SPINDOC: variants seen among roughly 807,000 people sequenced by gnomAD.
The protein encoded by SPINDOC is spindlin interactor and repressor of chromatin-binding protein.
A neutral mutation model predicts 30.7 loss-of-function variants in SPINDOC; 13 were observed. The observed-to-expected ratio is 0.42, with a 90% confidence interval of 0.28 to 0.67. The LOEUF is 0.67. Ranked by LOEUF, SPINDOC falls within the 30% of genes least tolerant of loss-of-function variation. SPINDOC has a pLI of 0.22. For synonymous variants in SPINDOC, 228 were observed against 211.4 expected (o/e 1.08, Z -0.68); for missense variants, 438 against 518.0 (o/e 0.85, Z 1.50).
At chr11:63,825,986 T>G (rs2015646392) in intron 5 of SPINDOC, among the ~76,000 whole-genome samples, 1 of 151,996 alleles carries the variant, frequency 6.6e-6, no homozygotes, top group Non-Finnish European at 1.5e-5. Flanking sequence ...TTGCCCAGGC[T>G]GGAGTGCAGT....
In SPINDOC at chr11:63,826,988, A is replaced by C; in HGVS notation, c.995A>C (p.Glu332Ala). 1 of 1,613,510 alleles carries C rather than the reference A, an allele frequency of 6.2e-7. No homozygotes were observed. Among genetic ancestry groups the C allele is most frequent in the Non-Finnish European group, 8.5e-7 (1 of 1,179,530 alleles). Residue 332 changes from glutamate to alanine, a missense_variant, in exon 6 of 6, where the codon GAG becomes GCG. By Grantham distance (107) the Glu-to-Ala change is moderately radical (BLOSUM62 -1). Around this residue, in one of 3 missense-constraint regions of SPINDOC, gnomAD observed 300 missense variants for 332.8 expected, o/e 0.90. Transcript: ENST00000294244. ...DLQVIRVRME[E>A]PPAVSLLQDW... Reference sequence around the variant, plus strand: ...CAGGTTATCCGCGTGCGGATGGAGGAGCCCCCAGCGGTCAGCCTCCTGCAA... The same window carrying C: ...CAGGTTATCCGCGTGCGGATGGAGGCGCCCCCAGCGGTCAGCCTCCTGCAA...
intron 5 of SPINDOC, 81 bp from the exon 6 acceptor site, chr11:63,826,847 G>A: frequency 2.8e-6 from 2 of 726,726 alleles, no homozygotes. Context: ...TGTGGGTACA[G>A]TTTGCGGAGC....
intron 1 of SPINDOC, among the ~76,000 whole-genome samples, chr11:63,815,389 C>G (rs1220311880): frequency 1.3e-5 from 2 of 152,216 alleles, no homozygotes; most frequent in Non-Finnish European, 2.9e-5. Flanking sequence ...GAGGAAGAGC[C>G]TTCCCATTTT....
chr11:63,813,519 G>A lies in SPINDOC; in HGVS notation c.-168G>A. On this transcript the variant is annotated 5_prime_UTR_variant, in exon 1 of 6. Transcript: ENST00000294244. Reference sequence around the variant, plus strand: ...GGTCTCGGGGAGGCCCGGACGCGCCGGTCGCAGGCCCGGCCGGCGAGCGGC... The same window carrying A: ...GGTCTCGGGGAGGCCCGGACGCGCCAGTCGCAGGCCCGGCCGGCGAGCGGC... 1 of 423,896 alleles carries A rather than the reference G, an allele frequency of 2.4e-6. No individual in the cohort carries two copies. The highest frequency in any genetic ancestry group is 3.1e-6 in the Non-Finnish European group (1 of 319,256). The allele number at this position is 423,896 out of a possible 1,614,324, so 26.3% of individuals were successfully genotyped here.
chr11:63,823,131 C>T, intron 5 of SPINDOC: 1 of 1,288,508 alleles, frequency 7.8e-7, no homozygotes, highest in Non-Finnish European at 1.0e-6. Flanking sequence ...AATTCTGTGT[C>T]CAGGTATATA....
chr11:63,826,810 C>T (rs2856241), intron 5 of SPINDOC, 118 bp from the exon 6 acceptor site: 9,345 of 654,216 alleles, frequency 0.014, 117 homozygotes, highest in Non-Finnish European at 0.016. Flanking sequence ...AGGCACTGGG[C>T]TGTGGACATA....
chr11:63,813,799 A>G lies in SPINDOC; in HGVS notation c.113A>G (p.Glu38Gly). 6.3e-7 allele frequency: 1 copy of G among 1,579,704 alleles called. No individual in the cohort carries two copies. The highest frequency in any genetic ancestry group is 8.6e-7 in the Non-Finnish European group (1 of 1,163,492). ...GTGGTGGCCGTAATTCCGCGGCCCG[A>G]GCCGATGCTCAGAGGTGAGGATGGA... ...AMVVAVIPRP[E>G]PMLRVTQQEK... is the part of the protein sequence containing the mutation. The change falls in exon 1 of 6, where the codon GAG becomes GGG. Residue 38 changes from glutamate to glycine, a missense_variant. Coordinates refer to ENST00000294244, the MANE Select transcript of SPINDOC (RefSeq NM_138471.3).
In SPINDOC at chr11:63,813,716, C is replaced by T; in HGVS notation, c.30C>T (p.Leu10=). 3 of 1,590,452 alleles carry T rather than the reference C, an allele frequency of 1.9e-6. No individual in the cohort carries two copies. The highest frequency in any genetic ancestry group is 1.7e-6 in the Non-Finnish European group (2 of 1,170,808). The change falls in exon 1 of 6, where the codon CTC becomes CTT. Residue 10 remains leucine (L), a synonymous_variant. Coordinates refer to ENST00000294244, the MANE Select transcript of SPINDOC (RefSeq NM_138471.3). ...CCCTAAAGGCCGAGGGCGCCGCACT[C>T]GACTGCTTCGAGGTGACGCTGAAAT... is the stretch of plus-strand genomic sequence containing the variant. The part of the protein sequence containing the change: MALKAEGAA[L]DCFEVTLKCE...
intron 1 of SPINDOC, among the ~76,000 whole-genome samples, 193 bp from the exon 2 acceptor site, chr11:63,817,612 G>A (rs1250597253): frequency 6.6e-6 from 1 of 152,156 alleles, no homozygotes; most frequent in Admixed American, 6.6e-5. Context: ...CGCGAGAGTC[G>A]TGGGATCCCG....
intron 1 of SPINDOC, among the ~76,000 whole-genome samples, chr11:63,817,229 C>G (rs940110344): frequency 4.6e-5 from 7 of 151,860 alleles, no homozygotes; most frequent in Non-Finnish European, 8.8e-5. Flanking sequence ...ACCTGTAGTC[C>G]CAGGTGCTTG....
intron 5 of SPINDOC, chr11:63,823,268 T>C: frequency 7.8e-7 from 1 of 1,276,732 alleles, no homozygotes; most frequent in Non-Finnish European, 1.0e-6. Context: ...CTCAGAAACC[T>C]GTGAGGCTTC....
chr11:63,813,857 C>A, intron 1 of SPINDOC, 44 bp downstream of exon 1: 2 of 1,474,016 alleles, frequency 1.4e-6, no homozygotes, highest in Non-Finnish European at 9.1e-7. Flanking sequence ...GGTGCGGGGC[C>A]GGGGCTGGGG....
intron 5 of SPINDOC, among the ~76,000 whole-genome samples, chr11:63,821,794 G>A (rs1029685203): frequency 6.6e-6 from 1 of 152,122 alleles, no homozygotes; most frequent in Non-Finnish European, 1.5e-5. Flanking sequence ...CCCTGCCCAG[G>A]CTGGAGTACC....
intron 5 of SPINDOC, among the ~76,000 whole-genome samples, chr11:63,825,848 G>C (rs1291863238): frequency 6.6e-6 from 1 of 152,070 alleles, no homozygotes; most frequent in African/African-American, 2.4e-5. Context: ...CTAAAAACAG[G>C]GTAGAAAAGG....
intron 1 of SPINDOC, among the ~76,000 whole-genome samples, 167 bp downstream of exon 1, chr11:63,813,980 C>A (rs1565073050): frequency 6.6e-6 from 1 of 152,210 alleles, no homozygotes; most frequent in Non-Finnish European, 1.5e-5. Flanking sequence ...GCACCTCCCC[C>A]ACCATGGTTT....
intron 5 of SPINDOC, chr11:63,823,375 G>A (rs1304137214): frequency 8.5e-7 from 1 of 1,177,078 alleles, no homozygotes; most frequent in Non-Finnish European, 1.1e-6. Context: ...AAAAAAATTA[G>A]AGGTGTAAAA....
rs755744959 is a variant in SPINDOC, at chr11:63,818,041, C to A, written c.364C>A (p.Pro122Thr). Residue 122 changes from proline (P) to threonine (T), a missense_variant, in exon 2 of 6, where the codon CCT becomes ACT. Pro to Thr is a conservative substitution (Grantham distance 38, BLOSUM62 -1). Around this residue, in one of 3 missense-constraint regions of SPINDOC, gnomAD observed 9 missense variants for 32.5 expected, o/e 0.28. Transcript: ENST00000294244. The surrounding 1 kb of genome is among the most constrained non-coding windows in gnomAD (Gnocchi z 5.3). ...EQHPHTLDLS[P>T]SEKSNILEAW... ...GCACCCTCACACCTTGGACCTGAGC[C>A]CTTCTGAGAAGAGCAATATCCTGGA... 3.0e-5 allele frequency: 49 copies of A among 1,614,086 alleles called. No individual in the cohort carries two copies. Among genetic ancestry groups the A allele is most frequent in the Middle Eastern group, 1.6e-4 (1 of 6,084 alleles).
At chr11:63,825,747 G>C (rs10897450) in intron 5 of SPINDOC, among the ~76,000 whole-genome samples, 67,104 of 151,932 alleles carry the variant, frequency 0.44, 17,131 homozygotes, top group East Asian at 0.77. Context: ...GATAAAAATG[G>C]GGTGGCAGCC....
At chr11:63,823,168 C>T (rs1234732036) in intron 5 of SPINDOC, 1 of 1,289,108 alleles carries the variant, frequency 7.8e-7, no homozygotes, top group East Asian at 5.6e-5. Context: ...TCTTTAAAAA[C>T]CAGGGGCCCC....
Sources: gnomAD v4.1 joint callset for allele counts (sites outside exome capture counted in the v4.1 genomes callset) on GRCh38, gnomAD v4.1.1 for gene constraint, gnomAD v4.1.1 regional missense constraint, Gnocchi (gnomAD v3.1) non-coding constraint, MANE v1.5 for transcripts, NCBI Gene and HGNC (gene_info 2026-07-23, HGNC 2026-07-21) for gene names.